The following LRBA variants were observed in gnomAD, a reference collection of about 807,000 sequenced individuals.
LRBA encodes the protein lipopolysaccharide-responsive and beige-like anchor protein.
LRBA carries 176 observed loss-of-function variants against 330.0 expected under a neutral mutation model. The ratio of observed to expected loss-of-function variants is 0.53; its 90% CI spans 0.47 to 0.60. The LOEUF (loss-of-function observed/expected upper bound fraction) is 0.60. Among genes scored for constraint, LRBA ranks in the 20% least tolerant of loss-of-function variants. The pLI is 0.00. For missense variants in LRBA, 3,259 were observed against 3,444.8 expected, an observed-to-expected ratio of 0.95 and a Z score of 1.35; for synonymous variants, 1,230 against 1,193.0, an observed-to-expected ratio of 1.03 and a Z score of -0.64.
chr4:150,522,925 G>A (rs2152174148), intron 40 of LRBA, among the ~76,000 whole-genome samples: 1 of 152,276 alleles, frequency 6.6e-6, no homozygotes, highest in South Asian at 2.1e-4. Flanking sequence ...ATGGGGTTGG[G>A]ACCACCAAAG....
chr4:150,995,860 CT>C (rs1412851332), intron 2 of LRBA, among the ~76,000 whole-genome samples: 5 of 151,930 alleles, frequency 3.3e-5, no homozygotes, highest in African/African-American at 1.2e-4. Context: ...TTTACCATTT[CT>C]GCATTAAATA....
At chr4:150,748,421 C>A in intron 35 of LRBA, among the ~76,000 whole-genome samples, 1 of 152,144 alleles carries the variant, frequency 6.6e-6, no homozygotes, top group African/African-American at 2.4e-5. Context: ...GTAATCCCAA[C>A]ACTTTGGGAG....
intron 40 of LRBA, chr4:150,579,623 G>A: frequency 2.2e-6 from 1 of 456,452 alleles, no homozygotes; most frequent in Non-Finnish European, 4.4e-6. Flanking sequence ...GTAGGGGCAA[G>A]GATGCGAGAA....
chr4:150,527,540 A>C lies in LRBA; in HGVS notation c.6331-36505T>G, dbSNP rs530334000. On this transcript the variant is annotated intron_variant, in intron 40 of 56. Transcript: ENST00000651943. ...AAAGGAAGAATGAGATCTAAGAAATAAAGAATCCAATTTACAACATAAATC... is the reference window on the plus strand; with the variant it reads ...AAAGGAAGAATGAGATCTAAGAAATCAAGAATCCAATTTACAACATAAATC... Among the ~76,000 whole-genome samples the C allele has an allele frequency of 2.0e-5, 3 of 152,342 alleles. No individual in the cohort carries two copies. In the East Asian group the frequency reaches 5.8e-4, roughly 29 times the overall value.
At chr4:150,587,462 T>C (rs72959813) in intron 40 of LRBA, among the ~76,000 whole-genome samples, 5,214 of 152,270 alleles carry the variant, frequency 0.034, 254 homozygotes, top group African/African-American at 0.11. Context: ...TGTTTCTTAG[T>C]AAAAACAAAG....
chr4:150,363,600 C>A (rs1561069990), intron 47 of LRBA, among the ~76,000 whole-genome samples: 1 of 152,166 alleles, frequency 6.6e-6, no homozygotes, highest in Non-Finnish European at 1.5e-5. Context: ...TGCTGTATAA[C>A]CAGTATGTAG....
At chr4:150,679,532 G>T (rs1561507225) in intron 37 of LRBA, 1 of 152,090 alleles carries the variant, frequency 6.6e-6, no homozygotes. Flanking sequence ...CTTTCTGAAA[G>T]AAGGAAGATT....
At chr4:150,358,079 C>T (rs1413161036) in intron 47 of LRBA, among the ~76,000 whole-genome samples, 1 of 152,050 alleles carries the variant, frequency 6.6e-6, no homozygotes, top group Admixed American at 6.6e-5. Flanking sequence ...AGGTATGTAA[C>T]TCTCAGAGGG....
rs1732499407 is a variant in LRBA at position 150,915,651 on chromosome 4, A to G, written c.971T>C (p.Leu324Pro). 1 of 1,612,858 alleles carries G rather than the reference A, an allele frequency of 6.2e-7. No homozygotes were observed. The highest frequency in any genetic ancestry group is 8.5e-7 in the Non-Finnish European group (1 of 1,179,178). The part of the protein sequence containing the change: ...SELRCYVNGE[L>P]ASYGEITWFV... ...CCATGTTATCTCTCCATAGGAAGCC[A>G]GCTCACCATTCACATAACATCGAAG... is the stretch of plus-strand genomic sequence containing the variant. Residue 324 changes from leucine (L) to proline (P), a missense_variant, in exon 8 of 57, where the codon CTG becomes CCG. By Grantham distance (98) the Leu-to-Pro change is moderately conservative. Coordinates refer to ENST00000651943, the MANE Select transcript of LRBA (RefSeq NM_001364905.1).
chr4:150,734,762 A>G (rs1336241766), intron 36 of LRBA, among the ~76,000 whole-genome samples: 2 of 152,198 alleles, frequency 1.3e-5, no homozygotes, highest in Admixed American at 1.3e-4. Context: ...ATGAGAATCC[A>G]AGGAGAGAGG....
chr4:150,478,012 G>A (rs1581429247), intron 42 of LRBA, among the ~76,000 whole-genome samples: 1 of 152,056 alleles, frequency 6.6e-6, no homozygotes, highest in East Asian at 1.9e-4. Flanking sequence ...AGCCACTCCT[G>A]TTTTTGCTCT....
chr4:150,520,607 T>G (rs370284667), intron 40 of LRBA, among the ~76,000 whole-genome samples: 1 of 152,192 alleles, frequency 6.6e-6, no homozygotes, highest in African/African-American at 2.4e-5. Context: ...TATGCAGCCA[T>G]AAGAAGAATG....
chr4:150,706,579 G>T (rs938079585), intron 36 of LRBA, among the ~76,000 whole-genome samples: 1 of 146,146 alleles, frequency 6.8e-6, no homozygotes, highest in East Asian at 2.0e-4. Flanking sequence ...ATCCATGAGA[G>T]AAAATATCCA....
intron 40 of LRBA, among the ~76,000 whole-genome samples, chr4:150,585,003 T>C (rs1271994099): frequency 6.6e-6 from 1 of 152,162 alleles, no homozygotes; most frequent in African/African-American, 2.4e-5. Context: ...ATTTTTAAAA[T>C]AGAAAAAACT....
intron 40 of LRBA, among the ~76,000 whole-genome samples, chr4:150,561,475 G>C (rs1313376534): frequency 1.3e-5 from 2 of 152,166 alleles, no homozygotes; most frequent in Non-Finnish European, 2.9e-5. Flanking sequence ...GGATTATCTG[G>C]GTGAGTCCAG....
At chr4:150,957,276 GC>G (rs1737638464) in intron 2 of LRBA, among the ~76,000 whole-genome samples, 1 of 148,524 alleles carries the variant, frequency 6.7e-6, no homozygotes, top group Admixed American at 6.6e-5. Context: ...AACTGGGGAG[GC>G]CTCACAATCA....
rs114605864 is a variant in LRBA at position 150,650,119 on chromosome 4, G to A, written c.5921+33432C>T. On this transcript the variant is annotated intron_variant, in intron 37 of 56. Coordinates refer to ENST00000651943, the MANE Select transcript of LRBA (RefSeq NM_001364905.1). ...ACTGGCCAATACTTGGTGAGGTTAA[G>A]TGACTCGTTCAAAGTTGCAAAGCCA... Among the ~76,000 whole-genome samples the A allele has an allele frequency of 4.2e-3, 638 of 152,284 alleles. 3 individuals carry two copies. The highest frequency in any genetic ancestry group is 0.015 in the African/African-American group (617 of 41,568).
intron 47 of LRBA, among the ~76,000 whole-genome samples, chr4:150,358,107 A>G (rs913948762): frequency 6.6e-6 from 1 of 152,150 alleles, no homozygotes; most frequent in Non-Finnish European, 1.5e-5. Flanking sequence ...TAATCCTGAG[A>G]TAGATTTAAA....
intron 53 of LRBA, among the ~76,000 whole-genome samples, chr4:150,295,573 T>A (rs1290031942): frequency 6.6e-6 from 1 of 152,192 alleles, no homozygotes; most frequent in Non-Finnish European, 1.5e-5. Flanking sequence ...CAGTAAAGTA[T>A]GATGAAGAAA....
Sources: allele counts gnomAD v4.1 joint callset (sites outside exome capture counted in the v4.1 genomes callset), GRCh38; gene constraint gnomAD v4.1.1; transcripts MANE v1.5; gene names NCBI Gene and HGNC (gene_info 2026-07-23, HGNC 2026-07-21).